ARHGAP18: variants seen among roughly 807,000 people sequenced by gnomAD.
ARHGAP18 encodes rho GTPase-activating protein 18.
In ARHGAP18, 67 loss-of-function variants were observed where a neutral mutation model predicts 86.2. The observed-to-expected ratio is 0.78, with a 90% confidence interval of 0.64 to 0.95. The LOEUF (loss-of-function observed/expected upper bound fraction) is 0.95, where lower values mean the gene tolerates loss of function less well. Ranked by LOEUF, ARHGAP18 falls within the 40% of genes least tolerant of loss-of-function variation. The pLI, the probability that ARHGAP18 is intolerant of heterozygous loss-of-function variation, is 0.00. For synonymous variants in ARHGAP18, 283 were observed against 280.4 expected (o/e 1.01, Z -0.09); for missense variants, 691 against 780.4 (o/e 0.89, Z 1.37).
chr6:129,644,277 T>G (rs1016153681), intron 1 of ARHGAP18, among the ~76,000 whole-genome samples: 1 of 152,184 alleles, frequency 6.6e-6, no homozygotes. Flanking sequence ...GGTCCCCATA[T>G]CCGGCCCCAA....
chr6:129,679,996 C>A (rs1774297746), intron 1 of ARHGAP18, among the ~76,000 whole-genome samples: 1 of 152,184 alleles, frequency 6.6e-6, no homozygotes, highest in Non-Finnish European at 1.5e-5. Flanking sequence ...ATCTCCGCCT[C>A]CATCTTTACA....
At chr6:129,643,828 T>C (rs1259008428) in intron 1 of ARHGAP18, among the ~76,000 whole-genome samples, 2 of 152,226 alleles carry the variant, frequency 1.3e-5, no homozygotes, top group Non-Finnish European at 2.9e-5. Context: ...AGGATTTTAA[T>C]AGTACATAAG....
At chr6:129,697,607 A>G (rs1302712916) in intron 1 of ARHGAP18, among the ~76,000 whole-genome samples, 1 of 152,230 alleles carries the variant, frequency 6.6e-6, no homozygotes, top group Non-Finnish European at 1.5e-5. Context: ...TAAGAAAATA[A>G]CAGGAGACAA....
intron 5 of ARHGAP18, among the ~76,000 whole-genome samples, chr6:129,626,653 C>T (rs1018869450): frequency 2.1e-5 from 3 of 142,382 alleles, no homozygotes; most frequent in Non-Finnish European, 4.6e-5. Flanking sequence ...TTAGGATGTA[C>T]CCCCAAAACA....
intron 10 of ARHGAP18, among the ~76,000 whole-genome samples, chr6:129,602,866 ATAC>A (rs1788775663): frequency 6.6e-6 from 1 of 152,080 alleles, no homozygotes; most frequent in African/African-American, 2.4e-5. Flanking sequence ...GTTACTCAAA[ATAC>A]TACTATCAGA....
intron 5 of ARHGAP18, 92 bp from the exon 6 acceptor site, chr6:129,618,944 T>C (rs1205265052): frequency 8.8e-7 from 1 of 1,142,160 alleles, no homozygotes; most frequent in African/African-American, 1.6e-5. Context: ...AAAGAAGTTA[T>C]ACTCAGAATA....
At chr6:129,657,477 G>A (rs1773864020) in intron 1 of ARHGAP18, among the ~76,000 whole-genome samples, 1 of 150,140 alleles carries the variant, frequency 6.7e-6, no homozygotes, top group South Asian at 2.1e-4. Flanking sequence ...AGACTGGACA[G>A]GAGCAATTTC....
At chr6:129,664,256 G>A (rs1438140444) in intron 1 of ARHGAP18, among the ~76,000 whole-genome samples, 1 of 152,244 alleles carries the variant, frequency 6.6e-6, no homozygotes, top group African/African-American at 2.4e-5. Context: ...AGCAGGGGAT[G>A]GGGAGATAGG....
chr6:129,680,896 T>A (rs1774313686), intron 1 of ARHGAP18, among the ~76,000 whole-genome samples: 1 of 152,238 alleles, frequency 6.6e-6, no homozygotes. Flanking sequence ...GACTTTGTAC[T>A]TCAGCAATGA....
intron 1 of ARHGAP18, among the ~76,000 whole-genome samples, chr6:129,704,591 T>C (rs1298306243): frequency 2.0e-5 from 3 of 152,176 alleles, no homozygotes; most frequent in Admixed American, 6.5e-5. Context: ...ACCTTGAATC[T>C]TCAGGTATTC....
chr6:129,638,631 T>C lies in ARHGAP18; in HGVS notation c.317-2A>G, dbSNP rs1406515463. ...GCCACTCTTCTTCCAATTCTCCCTC[T>C]AAGACAGTAGAGAAAAGTGGTACTT... On this transcript the variant is annotated splice_acceptor_variant, in intron 2 of 14. Transcript: ENST00000368149. LOFTEE classifies it high-confidence loss of function. 12 of 1,610,612 alleles carry C rather than the reference T, an allele frequency of 7.5e-6. No individual in the cohort carries two copies. Among genetic ancestry groups the C allele is most frequent in the Non-Finnish European group, 1.0e-5 (12 of 1,178,872 alleles).
At chr6:129,613,995 T>C (rs988330294) in intron 7 of ARHGAP18, among the ~76,000 whole-genome samples, 2 of 152,182 alleles carry the variant, frequency 1.3e-5, no homozygotes, top group African/African-American at 4.8e-5. Flanking sequence ...CATTTGACAG[T>C]GAAAACACTA....
At chr6:129,684,815 C>T (rs529346606) in intron 1 of ARHGAP18, among the ~76,000 whole-genome samples, 3 of 152,244 alleles carry the variant, frequency 2.0e-5, no homozygotes, top group Non-Finnish European at 4.4e-5. Context: ...AATTACTTAA[C>T]CCGAAGCCTA....
chr6:129,598,391 TCAGA>T (rs1311519806), intron 12 of ARHGAP18, among the ~76,000 whole-genome samples: 6 of 152,170 alleles, frequency 3.9e-5, no homozygotes, highest in East Asian at 1.9e-4. Flanking sequence ...AACCGAAAAT[TCAGA>T]CAAAGGCAGA....
chr6:129,704,432 G>A (rs547138847), intron 1 of ARHGAP18, among the ~76,000 whole-genome samples: 39 of 152,064 alleles, frequency 2.6e-4, no homozygotes, highest in African/African-American at 8.4e-4. Flanking sequence ...GTGACACAGC[G>A]AGACTCAGTA....
chr6:129,615,590 T>C (rs1789080404), intron 7 of ARHGAP18, among the ~76,000 whole-genome samples: 1 of 152,202 alleles, frequency 6.6e-6, no homozygotes, highest in Non-Finnish European at 1.5e-5. Context: ...GCTTGGGTAG[T>C]TCACAACTGA....
intron 2 of ARHGAP18, 89 bp downstream of exon 2, chr6:129,641,727 A>AT: frequency 8.0e-7 from 1 of 1,255,536 alleles, no homozygotes; most frequent in Non-Finnish European, 1.1e-6. Context: ...TCCTAGCTTT[A>AT]ATTTTTTTTT....
chr6:129,579,614 A>T (rs551877180), intron 14 of ARHGAP18, among the ~76,000 whole-genome samples: 4 of 152,292 alleles, frequency 2.6e-5, no homozygotes, highest in African/African-American at 9.6e-5. Context: ...TACTAATGTG[A>T]ATTTGAGTGT....
At chr6:129,673,119 T>C (rs775767522) in intron 1 of ARHGAP18, among the ~76,000 whole-genome samples, 4 of 152,240 alleles carry the variant, frequency 2.6e-5, no homozygotes, top group Non-Finnish European at 5.9e-5. Flanking sequence ...GAATTGTTTT[T>C]CTTTAAAAAT....
Sources: gnomAD v4.1 joint callset for allele counts (sites outside exome capture counted in the v4.1 genomes callset) on GRCh38, gnomAD v4.1.1 for gene constraint, MANE v1.5 for transcripts, NCBI Gene and HGNC (gene_info 2026-07-23, HGNC 2026-07-21) for gene names.